The following SEL1L3 variants were observed in gnomAD, a reference collection of about 807,000 sequenced individuals.
The protein encoded by SEL1L3 is SEL1L family member 3, also known as protein sel-1 homolog 3.
SEL1L3 carries 76 observed loss-of-function variants against 142.8 expected under a neutral mutation model. That is an observed-to-expected ratio of 0.53 (90% CI 0.44 to 0.64). SEL1L3 has a LOEUF of 0.64. Among genes scored for constraint, SEL1L3 ranks in the 30% least tolerant of loss-of-function variants. The pLI, the probability that SEL1L3 is intolerant of heterozygous loss-of-function variation, is 0.00. For missense variants in SEL1L3, 1,262 were observed against 1,381.7 expected (o/e 0.91, Z 1.37); for synonymous variants, 504 against 519.6 (o/e 0.97, Z 0.41).
At chr4:25,724,771 A>AAAAAAAC in the SEL1L3 span, among the ~76,000 whole-genome samples, 1 of 43,668 alleles carries the variant, frequency 2.3e-5, no homozygotes, top group Non-Finnish European at 4.0e-5. Context: ...AAAAAAAAAA[A>AAAAAAAC]GGAAAAGAAA....
chr4:25,790,989 T>C (rs1000797247), intron 11 of SEL1L3, among the ~76,000 whole-genome samples: 10 of 152,372 alleles, frequency 6.6e-5, no homozygotes, highest in Middle Eastern at 3.4e-3. Flanking sequence ...ACATCTTCTA[T>C]ATCTAAACGG....
chr4:25,808,054 C>T (rs1354315748), intron 9 of SEL1L3, among the ~76,000 whole-genome samples: 1 of 152,184 alleles, frequency 6.6e-6, no homozygotes, highest in African/African-American at 2.4e-5. Flanking sequence ...TGAATTCCAA[C>T]TGTTGCTCAA....
chr4:25,737,018 ACTGTC>A, the SEL1L3 span, among the ~76,000 whole-genome samples: 3 of 144,026 alleles, frequency 2.1e-5, no homozygotes, highest in Non-Finnish European at 4.5e-5. Context: ...ACAGAGTCTC[ACTGTC>A]ACCCAGGCTG....
chr4:25,773,075 GCGTGCACCACCACGC>G (rs1719347075), intron 17 of SEL1L3, among the ~76,000 whole-genome samples: 1 of 152,180 alleles, frequency 6.6e-6, no homozygotes, highest in East Asian at 1.9e-4. Flanking sequence ...GGGATTACAG[GCGTGCACCACCACGC>G]CCAGCAAGAT....
the SEL1L3 span, among the ~76,000 whole-genome samples, chr4:25,739,758 TAATG>T: frequency 8.7e-6 from 1 of 115,354 alleles, no homozygotes; most frequent in Non-Finnish European, 1.7e-5. Context: ...AAAGAAAAAA[TAATG>T]TGTGTGTGTG....
At chr4:25,821,251 T>C (rs10012208) in intron 7 of SEL1L3, among the ~76,000 whole-genome samples, 4,134 of 152,332 alleles carry the variant, frequency 0.027, 148 homozygotes, top group African/African-American at 0.095. Context: ...TTCCTGATTA[T>C]GACTTTGCCT....
At chr4:25,726,406 T>A in the SEL1L3 span, among the ~76,000 whole-genome samples, 4 of 151,700 alleles carry the variant, frequency 2.6e-5, no homozygotes, top group Non-Finnish European at 5.9e-5. Flanking sequence ...TGTGCGCCTG[T>A]AATCCCAGTT....
Position 25,862,845 on chromosome 4 carries a change from CGCCCGGATCCGG to C in SEL1L3, c.-21_-10del, listed in dbSNP as rs1215213153. On this transcript the variant is annotated 5_prime_UTR_variant, in exon 1 of 24. Transcript: ENST00000399878. ...GCGCCGCGCCGCTGCATGGCGAGGC[CGCCCGGATCCGG>C]GCCGGAACAGGTCACCTGGTGCAGG... 51 of 1,104,546 alleles carry C rather than the reference CGCCCGGATCCGG, an allele frequency of 4.6e-5. No homozygotes were observed. Among genetic ancestry groups the C allele is most frequent in the Non-Finnish European group, 5.5e-5 (50 of 908,200 alleles). The allele number at this position is 1,104,546 out of a possible 1,614,324, so 68.4% of individuals were successfully genotyped here.
the SEL1L3 span, among the ~76,000 whole-genome samples, chr4:25,734,805 G>T: frequency 1.3e-5 from 2 of 152,054 alleles, no homozygotes; most frequent in Non-Finnish European, 2.9e-5. Context: ...CTGACCTCAG[G>T]TGATCCGCCC....
intron 23 of SEL1L3, among the ~76,000 whole-genome samples, chr4:25,753,969 G>C (rs1717776382): frequency 1.4e-5 from 2 of 141,526 alleles, no homozygotes; most frequent in Admixed American, 7.3e-5. Context: ...GGGCGACAGT[G>C]AGACTCCGTC....
chr4:25,826,773 T>C (rs1336357420), intron 6 of SEL1L3, among the ~76,000 whole-genome samples: 2 of 152,150 alleles, frequency 1.3e-5, no homozygotes, highest in Non-Finnish European at 2.9e-5. Flanking sequence ...CTCTGCAACC[T>C]TCACCTCAGC....
rs182839700 is a variant in SEL1L3, at chr4:25,766,868, A to C, written c.2845+657T>G. Among the ~76,000 whole-genome samples, 30 of 152,306 alleles carry C rather than the reference A, an allele frequency of 2.0e-4. No individual in the cohort carries two copies. In the East Asian group the frequency reaches 5.8e-3, roughly 29 times the overall value. On this transcript the variant is annotated intron_variant, in intron 19 of 23. Transcript: ENST00000399878. ...GGAATCAGAAGCCGGTGGGTAGAGG[A>C]GTCCAGGAACTGTAGTTCCTGGAGG...
At chr4:25,773,666 A>G (rs66667131) in intron 17 of SEL1L3, 42,447 of 152,042 alleles carry the variant, frequency 0.28, 6,112 homozygotes, top group Admixed American at 0.37. Context: ...ACTGCTTCAT[A>G]AATTAAATAA....
intron 14 of SEL1L3, 85 bp from the exon 15 acceptor site, chr4:25,782,503 C>T: frequency 8.3e-7 from 1 of 1,208,844 alleles, no homozygotes; most frequent in Admixed American, 2.5e-5. Context: ...AAGCATTCTG[C>T]CTAAGTCTGA....
At chr4:25,845,144 T>C (rs1021730416) in intron 2 of SEL1L3, among the ~76,000 whole-genome samples, 2 of 152,196 alleles carry the variant, frequency 1.3e-5, no homozygotes, top group African/African-American at 4.8e-5. Flanking sequence ...TTTTGCACTG[T>C]AGTTATGGAA....
intron 21 of SEL1L3, among the ~76,000 whole-genome samples, chr4:25,758,555 C>G (rs1189681474): frequency 6.6e-6 from 1 of 152,214 alleles, no homozygotes; most frequent in Non-Finnish European, 1.5e-5. Context: ...AGCCCTTGAA[C>G]TTCCGATCAA....
intron 15 of SEL1L3, 145 bp from the exon 16 acceptor site, chr4:25,779,348 G>A (rs1171558377): frequency 4.7e-6 from 4 of 854,516 alleles, no homozygotes; most frequent in Non-Finnish European, 7.0e-6. Context: ...ACAATTCCAG[G>A]AAGACAGCCA....
the SEL1L3 span, among the ~76,000 whole-genome samples, chr4:25,715,970 T>C: frequency 5.9e-5 from 9 of 152,322 alleles, no homozygotes; most frequent in Admixed American, 5.2e-4. Context: ...TGCTCTTTTG[T>C]ACCTCTTGAA....
chr4:25,816,051 A>T (rs1011473510), intron 9 of SEL1L3, among the ~76,000 whole-genome samples: 1 of 148,162 alleles, frequency 6.7e-6, no homozygotes, highest in South Asian at 2.1e-4. Context: ...TATTGTATAT[A>T]TATGAAATAC....
Sources: gnomAD v4.1 joint callset for allele counts (sites outside exome capture counted in the v4.1 genomes callset) on GRCh38, gnomAD v4.1.1 for gene constraint, MANE v1.5 for transcripts, NCBI Gene and HGNC (gene_info 2026-07-23, HGNC 2026-07-21) for gene names.